Variants in BTRC observed in about 807,000 individuals in gnomAD.
BTRC encodes F-box/WD repeat-containing protein 1A.
Under a neutral mutation model 85.5 loss-of-function variants are expected in BTRC, and 42 were observed. The observed-to-expected ratio is 0.49, with a 90% confidence interval of 0.38 to 0.64. The LOEUF is 0.64. Among genes scored for constraint, BTRC ranks in the 30% least tolerant of loss-of-function variants. The probability of loss-of-function intolerance (pLI) is 0.00; values close to 1 mark genes in which losing one functional copy is unlikely to be tolerated. For synonymous variants in BTRC, 255 were observed against 263.3 expected, an observed-to-expected ratio of 0.97 and a Z score of 0.30; for missense variants, 594 against 743.5, an observed-to-expected ratio of 0.80 and a Z score of 2.34.
chr10:101,371,534 T>C (rs1322742126), intron 1 of BTRC, among the ~76,000 whole-genome samples: 2 of 152,240 alleles, frequency 1.3e-5, no homozygotes, highest in Non-Finnish European at 2.9e-5. Flanking sequence ...AGTAGAATCA[T>C]ACAGTGTTTG....
chr10:101,503,221 C>G (rs1334500998), intron 4 of BTRC, among the ~76,000 whole-genome samples: 1 of 152,104 alleles, frequency 6.6e-6, no homozygotes, highest in East Asian at 1.9e-4. Flanking sequence ...CAGTGTGGCA[C>G]TTTGAGTCTC....
At chr10:101,368,495 T>G (rs1015434060) in intron 1 of BTRC, among the ~76,000 whole-genome samples, 1 of 62,532 alleles carries the variant, frequency 1.6e-5, no homozygotes. Context: ...TTTTTTTTTT[T>G]TAGAGACAGG....
chr10:101,539,885 A>G (rs759934787), intron 13 of BTRC, among the ~76,000 whole-genome samples: 36 of 152,192 alleles, frequency 2.4e-4, no homozygotes, highest in Non-Finnish European at 4.6e-4. Context: ...TAATTCGTGT[A>G]TCTCTAATGA....
chr10:101,374,844 A>G (rs1371734803), intron 1 of BTRC, among the ~76,000 whole-genome samples: 1 of 152,178 alleles, frequency 6.6e-6, no homozygotes, highest in African/African-American at 2.4e-5. Context: ...TGAAGATTGA[A>G]GATCTCTGGA....
At chr10:101,546,673 A>C (rs1353132679) in intron 13 of BTRC, among the ~76,000 whole-genome samples, 2 of 152,242 alleles carry the variant, frequency 1.3e-5, no homozygotes, top group Non-Finnish European at 2.9e-5. Context: ...GTAGAAGAAA[A>C]GAAATAACAA....
chr10:101,543,103 C>T (rs2062494751), intron 13 of BTRC, among the ~76,000 whole-genome samples: 1 of 152,196 alleles, frequency 6.6e-6, no homozygotes, highest in South Asian at 2.1e-4. Flanking sequence ...GTCTCGAACT[C>T]CTGACCTCAG....
At chr10:101,359,501 C>T (rs186327569) in intron 1 of BTRC, among the ~76,000 whole-genome samples, 27 of 152,204 alleles carry the variant, frequency 1.8e-4, no homozygotes, top group African/African-American at 6.3e-4. Flanking sequence ...AATTTCGGTT[C>T]ACTGCAACCT....
intron 5 of BTRC, among the ~76,000 whole-genome samples, chr10:101,522,409 CTTTTTTTTTTTTT>C (rs1176651688): frequency 1.4e-4 from 4 of 29,538 alleles, no homozygotes; most frequent in African/African-American, 5.2e-4. Flanking sequence ...ATAAAGACTC[CTTTTTTTTTTTTT>C]TTTTTTTTTT....
At chr10:101,428,184 CAG>C (rs1266452062) in intron 1 of BTRC, among the ~76,000 whole-genome samples, 10 of 152,176 alleles carry the variant, frequency 6.6e-5, no homozygotes, top group South Asian at 2.1e-4. Context: ...AGTTTAAAGA[CAG>C]GGGTAAGATG....
intron 1 of BTRC, among the ~76,000 whole-genome samples, chr10:101,398,442 A>G (rs550286309): frequency 1.3e-5 from 2 of 152,066 alleles, no homozygotes; most frequent in East Asian, 1.9e-4. Context: ...AGCTGGGACT[A>G]CAGGTGCCCG....
intron 1 of BTRC, among the ~76,000 whole-genome samples, chr10:101,367,080 A>ATT (rs1359069694): frequency 8.3e-5 from 7 of 84,086 alleles, no homozygotes; most frequent in African/African-American, 1.7e-4. Context: ...ATATATATAT[A>ATT]TTTTTTTCGA....
intron 3 of BTRC, among the ~76,000 whole-genome samples, chr10:101,476,835 A>G (rs1180144730): frequency 6.6e-6 from 1 of 152,204 alleles, no homozygotes; most frequent in Non-Finnish European, 1.5e-5. Context: ...TGAGTGTCTT[A>G]AGATTTTTCT....
rs1589633008 is a variant in BTRC at position 101,549,762 on chromosome 10, A to T, written c.1657-937A>T. 2.8e-5 allele frequency among the ~76,000 whole-genome samples: 4 copies of T among 143,116 alleles called. No individual in the cohort carries two copies. The Admixed American group carries it at 2.8e-4, about 10-fold the overall frequency. The allele number at this position is 143,116 out of a possible 152,430, so 93.9% of individuals were successfully genotyped here. A position where few individuals can be genotyped will look rare whatever the true frequency, so the allele number is the denominator to read the frequency against. On this transcript the variant is annotated intron_variant, in intron 13 of 14. Transcript: ENST00000370187. ...GATGATGATGATAAAATTGGAGTGG[A>T]GGTAACATTGTTTAGTAAGGGGTGT...
At chr10:101,471,381 A>G (rs975046967) in intron 3 of BTRC, among the ~76,000 whole-genome samples, 3 of 152,118 alleles carry the variant, frequency 2.0e-5, no homozygotes, top group African/African-American at 7.2e-5. Flanking sequence ...AGAAAGAGAA[A>G]CTATCTCCAA....
At chr10:101,463,271 C>T (rs1945278503) in intron 3 of BTRC, among the ~76,000 whole-genome samples, 1 of 152,156 alleles carries the variant, frequency 6.6e-6, no homozygotes, top group African/African-American at 2.4e-5. Flanking sequence ...GTCGCAAACT[C>T]TTGACCTTGT....
chr10:101,444,954 G>T (rs1167566065), intron 2 of BTRC, among the ~76,000 whole-genome samples: 1 of 152,204 alleles, frequency 6.6e-6, no homozygotes, highest in Admixed American at 6.5e-5. Context: ...GCATGGCCTT[G>T]AGGTTATAGG....
intron 1 of BTRC, among the ~76,000 whole-genome samples, chr10:101,368,127 G>T (rs533073413): frequency 6.6e-5 from 10 of 152,286 alleles, no homozygotes; most frequent in Middle Eastern, 3.4e-3. Context: ...CCTCATGAAG[G>T]GCTTGGTGCC....
At chr10:101,383,997 C>T (rs1323320457) in intron 1 of BTRC, among the ~76,000 whole-genome samples, 2 of 152,122 alleles carry the variant, frequency 1.3e-5, no homozygotes, top group Admixed American at 1.3e-4. Flanking sequence ...GTACCACAGG[C>T]TTGTATCACC....
intron 4 of BTRC, among the ~76,000 whole-genome samples, chr10:101,510,785 A>G (rs1946683094): frequency 6.6e-6 from 1 of 152,192 alleles, no homozygotes; most frequent in African/African-American, 2.4e-5. Context: ...CAGACTTACA[A>G]TTCTCAACAG....
Sources: allele counts gnomAD v4.1 joint callset (sites outside exome capture counted in the v4.1 genomes callset), GRCh38; gene constraint gnomAD v4.1.1; transcripts MANE v1.5; gene names NCBI Gene and HGNC (gene_info 2026-07-23, HGNC 2026-07-21).